LUZP2: variants seen among roughly 807,000 people sequenced by gnomAD.
LUZP2 encodes leucine zipper protein 2.
In LUZP2, 52 loss-of-function variants were observed where a neutral mutation model predicts 51.6. The ratio of observed to expected loss-of-function variants is 1.01; its 90% CI spans 0.81 to 1.27. LUZP2 has a LOEUF of 1.27. Ranked by LOEUF, LUZP2 falls within the 50% of genes most tolerant of loss-of-function variation. LUZP2 has a pLI of 0.00. For synonymous variants in LUZP2, 154 were observed against 137.3 expected (o/e 1.12, Z -0.85); for missense variants, 436 against 395.4 (o/e 1.10, Z -0.87).
intron 5 of LUZP2, among the ~76,000 whole-genome samples, chr11:24,835,002 T>A (rs1395895969): frequency 1.3e-5 from 2 of 152,176 alleles, no homozygotes; most frequent in Admixed American, 6.6e-5. Context: ...TAGACCCCTG[T>A]CAGATGGTCA....
chr11:25,002,287 G>T (rs190999155), intron 9 of LUZP2, among the ~76,000 whole-genome samples: 20 of 152,130 alleles, frequency 1.3e-4, no homozygotes, highest in African/African-American at 4.1e-4. Flanking sequence ...AACTTCCATC[G>T]TTATATAGGT....
intron 1 of LUZP2, among the ~76,000 whole-genome samples, chr11:24,643,144 C>T (rs1168303888): frequency 6.7e-6 from 1 of 149,994 alleles, no homozygotes; most frequent in African/African-American, 2.5e-5. Flanking sequence ...TGTGGTGGCT[C>T]ATGCTTGTAA....
At chr11:24,872,845 G>C (rs1238170898) in intron 5 of LUZP2, among the ~76,000 whole-genome samples, 2 of 152,068 alleles carry the variant, frequency 1.3e-5, no homozygotes, top group Non-Finnish European at 2.9e-5. Context: ...AGAAACCAAG[G>C]CTTAGAAATG....
In LUZP2 at chr11:24,541,177, C is replaced by T. The variant is rs778151789; in HGVS notation, c.62+43872C>T. Reference sequence around the variant, plus strand: ...CTGAGGCAGGAGAATTGCTTGAACCCGGGAGACAGAAGTTGCAGTAAGCCA... The same window carrying T: ...CTGAGGCAGGAGAATTGCTTGAACCTGGGAGACAGAAGTTGCAGTAAGCCA... On this transcript the variant is annotated intron_variant, in intron 1 of 11. Transcript: ENST00000336930. 4.1e-5 allele frequency among the ~76,000 whole-genome samples: 6 copies of T among 147,908 alleles called. No homozygotes were observed. In the East Asian group the frequency reaches 6.4e-4, roughly 16 times the overall value.
intron 1 of LUZP2, among the ~76,000 whole-genome samples, chr11:24,588,629 G>A (rs1590213025): frequency 8.2e-5 from 2 of 24,358 alleles, no homozygotes; most frequent in South Asian, 6.3e-3. Flanking sequence ...ACAAATAAAG[G>A]AATAATTTTT....
intron 7 of LUZP2, among the ~76,000 whole-genome samples, chr11:24,937,936 G>A (rs893713894): frequency 2.0e-5 from 3 of 150,966 alleles, no homozygotes; most frequent in Non-Finnish European, 4.4e-5. Flanking sequence ...AAAAAAATAC[G>A]TCATATGTTC....
intron 1 of LUZP2, among the ~76,000 whole-genome samples, chr11:24,589,431 G>A (rs1853185298): frequency 6.6e-6 from 1 of 152,168 alleles, no homozygotes; most frequent in Admixed American, 6.6e-5. Flanking sequence ...ATTCTTTAAA[G>A]TTCCTGTGGC....
intron 1 of LUZP2, among the ~76,000 whole-genome samples, chr11:24,588,847 AT>A (rs145112988): frequency 0.018 from 2,799 of 151,436 alleles, 78 homozygotes; most frequent in African/African-American, 0.064. Flanking sequence ...AATCTCAATA[AT>A]TTTTTTTTAA....
chr11:24,743,856 G>A (rs1287970086), intron 4 of LUZP2, among the ~76,000 whole-genome samples: 2 of 152,038 alleles, frequency 1.3e-5, no homozygotes, highest in Non-Finnish European at 2.9e-5. Context: ...TTACATTGAG[G>A]TATGTCCCTT....
At chr11:24,783,951 TG>T (rs1160062862) in intron 5 of LUZP2, among the ~76,000 whole-genome samples, 5 of 151,912 alleles carry the variant, frequency 3.3e-5, no homozygotes, top group African/African-American at 1.2e-4. Flanking sequence ...GACACCTATT[TG>T]GGTAGAAAGT....
intron 1 of LUZP2, among the ~76,000 whole-genome samples, chr11:24,706,816 CTTT>C (rs10552700): frequency 0.15 from 23,118 of 151,898 alleles, 1,772 homozygotes; most frequent in East Asian, 0.22. Flanking sequence ...CCTCAGATCT[CTTT>C]ATTTTTTATT....
chr11:24,607,042 G>A (rs140113461), intron 1 of LUZP2, among the ~76,000 whole-genome samples: 12 of 152,048 alleles, frequency 7.9e-5, no homozygotes, highest in African/African-American at 2.6e-4. Context: ...TATTTTGGAT[G>A]TTAATCTCTT....
At chr11:24,771,777 C>G (rs1284842622) in intron 5 of LUZP2, among the ~76,000 whole-genome samples, 1 of 151,896 alleles carries the variant, frequency 6.6e-6, no homozygotes, top group Admixed American at 6.6e-5. Context: ...TACTGTTCTC[C>G]CAGTAGTGAA....
chr11:24,970,779 G>C (rs1290508066), intron 7 of LUZP2, among the ~76,000 whole-genome samples: 1 of 152,122 alleles, frequency 6.6e-6, no homozygotes, highest in East Asian at 1.9e-4. Flanking sequence ...GGTCCATTCT[G>C]AGAAAAAATA....
intron 1 of LUZP2, among the ~76,000 whole-genome samples, chr11:24,668,501 G>A (rs1335301975): frequency 6.6e-6 from 1 of 152,162 alleles, no homozygotes; most frequent in Non-Finnish European, 1.5e-5. Context: ...CTTGTAAAGA[G>A]AATACCATTT....
intron 9 of LUZP2, among the ~76,000 whole-genome samples, chr11:24,984,315 T>C (rs972062222): frequency 5.3e-5 from 8 of 151,236 alleles, no homozygotes; most frequent in Non-Finnish European, 1.0e-4. Flanking sequence ...GAAATGCTAT[T>C]TTCAGGATGG....
chr11:24,558,832 T>G, intron 1 of LUZP2, among the ~76,000 whole-genome samples: 1 of 152,202 alleles, frequency 6.6e-6, no homozygotes, highest in East Asian at 1.9e-4. Context: ...GACACCCCGT[T>G]GGATCATTGA....
chr11:24,846,909 G>A (rs1851218362), intron 5 of LUZP2, among the ~76,000 whole-genome samples: 1 of 150,566 alleles, frequency 6.6e-6, no homozygotes, highest in Non-Finnish European at 1.5e-5. Context: ...ATATATACAT[G>A]TATATACACA....
chr11:24,672,864 T>G (rs2134005146), intron 1 of LUZP2, among the ~76,000 whole-genome samples: 1 of 152,284 alleles, frequency 6.6e-6, no homozygotes, highest in African/African-American at 2.4e-5. Context: ...CCGTGGCCTG[T>G]TAGGAACCAG....
Sources: allele counts gnomAD v4.1 joint callset (sites outside exome capture counted in the v4.1 genomes callset), GRCh38; gene constraint gnomAD v4.1.1; transcripts MANE v1.5; gene names NCBI Gene and HGNC (gene_info 2026-07-23, HGNC 2026-07-21).